Variants in DDX31 observed in about 807,000 individuals in gnomAD.
DDX31 encodes DEAD-box helicase 31, also known as ATP-dependent DNA helicase DDX31.
DDX31 carries 70 observed loss-of-function variants against 91.3 expected under a neutral mutation model. That is an observed-to-expected ratio of 0.77 (90% CI 0.63 to 0.94). The LOEUF is 0.94. Ranked by LOEUF, DDX31 falls within the 40% of genes least tolerant of loss-of-function variation. DDX31 has a pLI of 0.00. For synonymous variants in DDX31, 362 were observed against 350.6 expected (o/e 1.03, Z -0.36); for missense variants, 902 against 925.0 (o/e 0.98, Z 0.32).
chr9:132,630,186 A>C, intron 16 of DDX31, 78 bp downstream of exon 16: 1 of 1,449,894 alleles, frequency 6.9e-7, no homozygotes, highest in South Asian at 1.5e-5. Context: ...TCAGCTTACA[A>C]GGCCCATTCA....
At chr9:132,662,842 G>T in intron 1 of DDX31, 147 bp from the exon 2 acceptor site, 1 of 1,156,160 alleles carries the variant, frequency 8.6e-7, no homozygotes, top group Non-Finnish European at 1.2e-6. Flanking sequence ...TTTAGGGTTT[G>T]CAATCAGACT....
chr9:132,662,270 G>A lies in DDX31; in HGVS notation c.399C>T (p.His133=), dbSNP rs750175648. The stretch of plus-strand genomic sequence containing the variant: ...ACTGAAAGGTACTTACTAAATGTGG[G>A]TGGAGGCCCAGCTCATGAAAAGCAG... ...TSAAFHELGL[H]PHLISTINTV... Residue 133 remains histidine (H), a synonymous_variant, in exon 3 of 20, where the codon CAC becomes CAT. Coordinates refer to ENST00000372159, the MANE Select transcript of DDX31 (RefSeq NM_022779.9). The A allele has an allele frequency of 6.2e-7, 1 of 1,614,076 alleles. No individual in the cohort carries two copies.
At chr9:132,625,838 T>C (rs1832360551) in intron 16 of DDX31, 93 bp from the exon 17 acceptor site, 3 of 887,012 alleles carry the variant, frequency 3.4e-6, no homozygotes, top group Non-Finnish European at 5.4e-6. Context: ...TTGAGCTAAT[T>C]AGACATGAAG....
intron 6 of DDX31, among the ~76,000 whole-genome samples, chr9:132,656,407 A>T (rs1834568746): frequency 6.6e-6 from 1 of 152,220 alleles, no homozygotes. Context: ...ATGACATATA[A>T]CCAATCAAAT....
At chr9:132,626,056 C>T (rs1832370984) in intron 16 of DDX31, among the ~76,000 whole-genome samples, 1 of 151,658 alleles carries the variant, frequency 6.6e-6, no homozygotes, top group Non-Finnish European at 1.5e-5. Context: ...ATAAGTGTGC[C>T]CACTCACTGA....
intron 14 of DDX31, among the ~76,000 whole-genome samples, chr9:132,641,552 G>A (rs1833506547): frequency 6.6e-6 from 1 of 152,180 alleles, no homozygotes; most frequent in South Asian, 2.1e-4. Context: ...TGAGGCTGAG[G>A]GAGCAGGCCC....
At chr9:132,660,685 A>G (rs999122267) in intron 4 of DDX31, among the ~76,000 whole-genome samples, 30 of 152,206 alleles carry the variant, frequency 2.0e-4, no homozygotes, top group Admixed American at 2.0e-4. Flanking sequence ...TTTACTAGTA[A>G]AAGTAAAAAA....
rs566749485 is a variant in DDX31, at chr9:132,615,672, G to A, written c.1825+2658C>T. On this transcript the variant is annotated intron_variant, in intron 18 of 19. Coordinates refer to ENST00000372159, the MANE Select transcript of DDX31 (RefSeq NM_022779.9). ...AGAGGATTAAGCCACAGAAGCAATG[G>A]TCATTTGCAGGCAGAGGACTCTAGC... is the stretch of plus-strand genomic sequence containing the variant. Among the ~76,000 whole-genome samples, 81 of 152,320 alleles carry A rather than the reference G, an allele frequency of 5.3e-4. No individual in the cohort carries two copies. The South Asian group carries it at 0.016, about 30-fold the overall frequency.
intron 10 of DDX31, 58 bp from the exon 11 acceptor site, chr9:132,648,353 A>C: frequency 6.2e-7 from 1 of 1,605,772 alleles, no homozygotes; most frequent in African/African-American, 1.3e-5. Context: ...ATGTGGTCTA[A>C]GGGGCTACAG....
intron 1 of DDX31, 177 bp downstream of exon 1, chr9:132,669,683 G>C (rs1333002148): frequency 1.3e-6 from 2 of 1,533,670 alleles, no homozygotes. Flanking sequence ...CCTGCGGGTG[G>C]TGTTCCGGTT....
intron 1 of DDX31, among the ~76,000 whole-genome samples, chr9:132,668,967 G>A (rs936752237): frequency 2.3e-4 from 35 of 151,970 alleles, no homozygotes; most frequent in African/African-American, 8.2e-4. Flanking sequence ...CAAAGCGGGG[G>A]CTTCCAGGCT....
Position 132,594,858 on chromosome 9 carries a change from G to A in DDX31, c.*8C>T, listed in dbSNP as rs950315577. The A allele has an allele frequency of 7.4e-6, 12 of 1,611,720 alleles. No individual in the cohort carries two copies. The highest frequency in any genetic ancestry group is 1.0e-5 in the Non-Finnish European group (12 of 1,178,926). On this transcript the variant is annotated 3_prime_UTR_variant, in exon 20 of 20. Coordinates refer to ENST00000372159, the MANE Select transcript of DDX31 (RefSeq NM_022779.9). ...CTTCCAGGTTCCACTCGAAGACCCAGAGAGATTTTAAACTTTCTGGGAAGT... is the reference window on the plus strand; with the variant it reads ...CTTCCAGGTTCCACTCGAAGACCCAAAGAGATTTTAAACTTTCTGGGAAGT...
In DDX31 at chr9:132,648,496, T is replaced by C; in HGVS notation, c.796A>G (p.Ile266Val). ...ISTPGRLVDH[I>V]KSTKNIHFSR... ...AAATGAATGTTCTTTGTGGATTTTA[T>C]ATGATCCACCAGGCGTCCAGGAGTT... The change falls in exon 10 of 20, where the codon ATA (isoleucine) becomes GTA (valine). Residue 266 changes from isoleucine (I) to valine (V), a missense_variant. Physicochemically the swap from Ile to Val is conservative, Grantham distance 29. Coordinates refer to ENST00000372159, the MANE Select transcript of DDX31 (RefSeq NM_022779.9). 6.2e-7 allele frequency: 1 copy of C among 1,614,098 alleles called. No individual in the cohort carries two copies. Among genetic ancestry groups the C allele is most frequent in the Admixed American group, 1.7e-5 (1 of 60,018 alleles).
At chr9:132,596,111 C>T (rs1315973459) in intron 19 of DDX31, among the ~76,000 whole-genome samples, 1 of 152,168 alleles carries the variant, frequency 6.6e-6, no homozygotes, top group African/African-American at 2.4e-5. Flanking sequence ...GGAGTTCTCA[C>T]AAAGACATAT....
chr9:132,661,390 C>T (rs2130843226), intron 3 of DDX31, 139 bp from the exon 4 acceptor site: 1 of 743,396 alleles, frequency 1.3e-6, no homozygotes, highest in Non-Finnish European at 2.1e-6. Flanking sequence ...GTGGTGCTCT[C>T]TACTTGGGGC....
At chr9:132,648,404 C>A in intron 10 of DDX31, 28 bp downstream of exon 10, 2 of 1,611,506 alleles carry the variant, frequency 1.2e-6, no homozygotes, top group Non-Finnish European at 1.7e-6. Context: ...TTCTCTTCTA[C>A]CTGTTATCAT....
intron 6 of DDX31, among the ~76,000 whole-genome samples, chr9:132,652,870 C>T (rs1834297869): frequency 6.6e-6 from 1 of 152,068 alleles, no homozygotes; most frequent in Non-Finnish European, 1.5e-5. Flanking sequence ...GTCTTTCGTC[C>T]TCTGCCATGA....
At chr9:132,666,784 G>A (rs909515858) in intron 1 of DDX31, among the ~76,000 whole-genome samples, 8 of 150,978 alleles carry the variant, frequency 5.3e-5, no homozygotes, top group African/African-American at 1.7e-4. Context: ...TCGGCTCACT[G>A]CAAGCTCCGC....
chr9:132,666,044 G>T (rs1835285615), intron 1 of DDX31, among the ~76,000 whole-genome samples: 1 of 152,174 alleles, frequency 6.6e-6, no homozygotes, highest in African/African-American at 2.4e-5. Flanking sequence ...TTATAGTTTT[G>T]CCTTGTATAG....
Sources: allele counts gnomAD v4.1 joint callset (sites outside exome capture counted in the v4.1 genomes callset), GRCh38; gene constraint gnomAD v4.1.1; transcripts MANE v1.5; gene names NCBI Gene and HGNC (gene_info 2026-07-23, HGNC 2026-07-21).